AQP9: variants seen among roughly 807,000 people sequenced by gnomAD.
The protein encoded by AQP9 is aquaporin 9, also known as aquaporin-9.
A neutral mutation model predicts 23.8 loss-of-function variants in AQP9; 19 were observed. The ratio of observed to expected loss-of-function variants is 0.80; its 90% CI spans 0.56 to 1.17. AQP9 has a LOEUF of 1.17. Ranked by LOEUF, AQP9 falls within the 50% of genes most tolerant of loss-of-function variation. The probability of loss-of-function intolerance (pLI) is 0.00; values close to 1 mark genes in which losing one functional copy is unlikely to be tolerated. For missense variants in AQP9, 413 were observed against 362.0 expected (o/e 1.14, Z -1.14); for synonymous variants, 153 against 131.5 (o/e 1.16, Z -1.12).
At chr15:58,147,056 C>T (rs1595727836) in intron 1 of AQP9, among the ~76,000 whole-genome samples, 1 of 152,204 alleles carries the variant, frequency 6.6e-6, no homozygotes, top group Admixed American at 6.5e-5. Flanking sequence ...TTTCAAGGCG[C>T]TTGGGAGAAA....
chr15:58,145,598 CTCTA>C (rs2140586149), intron 1 of AQP9, among the ~76,000 whole-genome samples: 1 of 152,190 alleles, frequency 6.6e-6, no homozygotes, highest in African/African-American at 2.4e-5. Context: ...CAATCAACCA[CTCTA>C]TCTTACATGT....
intron 1 of AQP9, among the ~76,000 whole-genome samples, chr15:58,146,331 T>C (rs1192303738): frequency 2.0e-5 from 3 of 152,168 alleles, no homozygotes; most frequent in East Asian, 3.8e-4. Flanking sequence ...GTATAGTTGC[T>C]GTTTCAAATC....
At chr15:58,141,592 T>C (rs1168560018) in intron 1 of AQP9, among the ~76,000 whole-genome samples, 1 of 152,112 alleles carries the variant, frequency 6.6e-6, no homozygotes, top group East Asian at 1.9e-4. Context: ...GAGTGGGCAG[T>C]ACAGGAAGGA....
Position 58,184,085 on chromosome 15 carries a change from G to A in AQP9, c.838G>A (p.Glu280Lys), listed in dbSNP as rs1368316607. Reference protein sequence around the residue: ...HPEPDSVFKTEQSEDKPEKYE... With the variant: ...HPEPDSVFKTKQSEDKPEKYE... ...AGAGCCTGACTCAGTCTTTAAGACA[G>A]AACAATCTGAGGACAAACCAGAGAA... is the stretch of plus-strand genomic sequence containing the variant. The change falls in exon 6 of 6, where the codon GAA becomes AAA. Residue 280 changes from glutamate to lysine, a missense_variant. Glu to Lys is a moderately conservative substitution (Grantham distance 56). Coordinates refer to ENST00000219919, the MANE Select transcript of AQP9 (RefSeq NM_020980.5). 6.2e-7 allele frequency: 1 copy of A among 1,614,100 alleles called. No homozygotes were observed. The highest frequency in any genetic ancestry group is 2.2e-5 in the East Asian group (1 of 44,868).
chr15:58,176,032 G>A (rs1449853216), intron 4 of AQP9, among the ~76,000 whole-genome samples: 2 of 152,232 alleles, frequency 1.3e-5, no homozygotes, highest in Non-Finnish European at 1.5e-5. Flanking sequence ...CTTCCTGCGT[G>A]GCTTCAGCAA....
At chr15:58,152,514 A>C (rs147466703) in intron 1 of AQP9, 2 of 152,196 alleles carry the variant, frequency 1.3e-5, no homozygotes, top group African/African-American at 4.8e-5. Context: ...CATACTGTAA[A>C]TATAGTATAA....
chr15:58,155,031 A>G (rs141485692), intron 1 of AQP9: 9 of 152,260 alleles, frequency 5.9e-5, no homozygotes, highest in African/African-American at 2.2e-4. Context: ...TTCCCACACC[A>G]TCCAACATTT....
chr15:58,152,086 G>A (rs910443359), intron 1 of AQP9: 1 of 151,958 alleles, frequency 6.6e-6, no homozygotes, highest in Non-Finnish European at 1.5e-5. Context: ...CCTTATAATT[G>A]CCCATGGAGT....
intron 1 of AQP9, among the ~76,000 whole-genome samples, chr15:58,142,905 A>G (rs1421698454): frequency 6.6e-6 from 1 of 152,114 alleles, no homozygotes. Flanking sequence ...AGAAGCCCCT[A>G]CTGTCAGCAG....
chr15:58,146,510 C>G (rs1035613488), intron 1 of AQP9, among the ~76,000 whole-genome samples: 2 of 151,878 alleles, frequency 1.3e-5, no homozygotes, highest in Non-Finnish European at 2.9e-5. Context: ...CTTAACTCAC[C>G]AAAGCCTAAT....
At chr15:58,148,301 A>C (rs1898085743) in intron 1 of AQP9, among the ~76,000 whole-genome samples, 1 of 152,232 alleles carries the variant, frequency 6.6e-6, no homozygotes, top group African/African-American at 2.4e-5. Context: ...AACTGCAGGA[A>C]TTATCAGAGC....
chr15:58,142,663 C>A (rs1352632678), intron 1 of AQP9, among the ~76,000 whole-genome samples: 7 of 152,162 alleles, frequency 4.6e-5, no homozygotes, highest in African/African-American at 1.7e-4. Context: ...TCCTCAAGAC[C>A]ACTCTTTTGG....
intron 1 of AQP9, chr15:58,138,963 T>C (rs1413057648): frequency 3.4e-6 from 1 of 290,704 alleles, no homozygotes; most frequent in Non-Finnish European, 6.6e-6. Flanking sequence ...CTAAAATGGC[T>C]TTGTGATTTA....
intron 1 of AQP9, chr15:58,153,850 A>G (rs1898196535): frequency 6.6e-6 from 1 of 152,128 alleles, no homozygotes; most frequent in Non-Finnish European, 1.5e-5. Context: ...ACAGCTGTCT[A>G]TAGTACCCAA....
chr15:58,179,412 T>C (rs1898833662), intron 5 of AQP9, 67 bp downstream of exon 5: 1 of 1,431,932 alleles, frequency 7.0e-7, no homozygotes, highest in Admixed American at 2.0e-5. Context: ...GGCGGGGCTT[T>C]GACATGGAGA....
chr15:58,162,815 T>G (rs1898411268), intron 1 of AQP9, among the ~76,000 whole-genome samples: 1 of 152,122 alleles, frequency 6.6e-6, no homozygotes, highest in South Asian at 2.1e-4. Flanking sequence ...TTCAGATAAT[T>G]CCAGTGTTCC....
At chr15:58,163,694 G>A (rs1243063359) in intron 1 of AQP9, among the ~76,000 whole-genome samples, 2 of 152,142 alleles carry the variant, frequency 1.3e-5, no homozygotes, top group Non-Finnish European at 2.9e-5. Context: ...AGTCTAAGAA[G>A]GGAAAGGTAC....
chr15:58,170,491 G>C (rs754359987), intron 2 of AQP9, among the ~76,000 whole-genome samples: 44 of 151,188 alleles, frequency 2.9e-4, no homozygotes, highest in Non-Finnish European at 5.6e-4. Context: ...TGCAACCTCC[G>C]CCTCCCAGGT....
intron 1 of AQP9, chr15:58,154,929 C>T (rs1458304536): frequency 6.6e-6 from 1 of 152,248 alleles, no homozygotes; most frequent in African/African-American, 2.4e-5. Context: ...GTATGAAAAA[C>T]CATCATTGTA....
Sources: allele counts gnomAD v4.1 joint callset (sites outside exome capture counted in the v4.1 genomes callset), GRCh38; gene constraint gnomAD v4.1.1; transcripts MANE v1.5; gene names NCBI Gene and HGNC (gene_info 2026-07-23, HGNC 2026-07-21).